The following RIOK2 variants were observed in gnomAD, a reference collection of about 807,000 sequenced individuals.
The protein encoded by RIOK2 is RIO kinase 2, also known as serine/threonine-protein kinase RIO2.
Under a neutral mutation model 62.4 loss-of-function variants are expected in RIOK2, and 46 were observed. The ratio of observed to expected loss-of-function variants is 0.74; its 90% CI spans 0.58 to 0.94. The LOEUF (loss-of-function observed/expected upper bound fraction) is 0.94, where lower values mean the gene tolerates loss of function less well. Ranked by LOEUF, RIOK2 falls within the 40% of genes least tolerant of loss-of-function variation. The pLI is 0.00. For synonymous variants in RIOK2, 197 were observed against 216.0 expected, an observed-to-expected ratio of 0.91 and a Z score of 0.77; for missense variants, 574 against 658.0, an observed-to-expected ratio of 0.87 and a Z score of 1.40.
chr5:97,183,148 T>C lies in RIOK2; in HGVS notation c.44A>G (p.Asp15Gly). 1 of 1,614,078 alleles carries C rather than the reference T, an allele frequency of 6.2e-7. No individual in the cohort carries two copies. Among genetic ancestry groups the C allele is most frequent in the Non-Finnish European group, 8.5e-7 (1 of 1,179,982 alleles). The change falls in exon 1 of 10, where the codon GAT becomes GGT. Residue 15 changes from aspartate (D) to glycine (G), a missense_variant. Asp to Gly is a moderately conservative substitution (Grantham distance 94, BLOSUM62 -1). Coordinates refer to ENST00000283109, the MANE Select transcript of RIOK2 (RefSeq NM_018343.3). ...TACCGCGGTCAAGACCCTGAAGTCA[T>C]CTCGGCTCATGTAACGCAACTTGGC... ...NVAKLRYMSR[D>G]DFRVLTAVEM...
chr5:97,173,127 T>TA (rs1338353323), intron 5 of RIOK2, 48 bp downstream of exon 5: 10 of 1,357,138 alleles, frequency 7.4e-6, no homozygotes, highest in Non-Finnish European at 1.0e-5. Flanking sequence ...CCCTGAAACT[T>TA]AAATTCATTT....
At chr5:97,172,443 T>C (rs316192) in intron 5 of RIOK2, among the ~76,000 whole-genome samples, 51,550 of 152,086 alleles carry the variant, frequency 0.34, 10,150 homozygotes, top group East Asian at 0.46. Context: ...TCAAATCATG[T>C]TGGTTCAACC....
At chr5:97,168,985 G>T (rs902800033) in intron 6 of RIOK2, 133 bp from the exon 7 acceptor site, 1 of 507,002 alleles carries the variant, frequency 2.0e-6, no homozygotes, top group South Asian at 4.1e-5. Context: ...TTACACAAAA[G>T]AAAAAAGATA....
intron 1 of RIOK2, 50 bp downstream of exon 1, chr5:97,183,076 G>C (rs374923386): frequency 3.1e-6 from 5 of 1,589,710 alleles, no homozygotes; most frequent in Non-Finnish European, 4.3e-6. Context: ...AACAGGAAGA[G>C]GTCACACAGT....
chr5:97,170,920 G>A (rs376515410), intron 6 of RIOK2, among the ~76,000 whole-genome samples: 8 of 152,080 alleles, frequency 5.3e-5, no homozygotes, highest in Admixed American at 2.6e-4. Flanking sequence ...TTGGGAGGCC[G>A]AGGCGGGTGG....
intron 1 of RIOK2, among the ~76,000 whole-genome samples, chr5:97,182,579 A>ATCATTTTCATAGC (rs1420728673): frequency 6.6e-6 from 1 of 152,154 alleles, no homozygotes; most frequent in Non-Finnish European, 1.5e-5. Flanking sequence ...ATTATCCTTT[A>ATCATTTTCATAGC]TCATTTTCAT....
intron 6 of RIOK2, among the ~76,000 whole-genome samples, chr5:97,169,689 G>A (rs910905636): frequency 7.2e-5 from 11 of 152,122 alleles, no homozygotes; most frequent in African/African-American, 1.9e-4. Context: ...ATCTCCCTAC[G>A]AGACAGTAAC....
intron 8 of RIOK2, 106 bp downstream of exon 8, chr5:97,167,361 G>T: frequency 6.6e-7 from 1 of 1,508,050 alleles, no homozygotes; most frequent in South Asian, 1.4e-5. Context: ...CAAGGTGGCA[G>T]AATACAATTT....
intron 2 of RIOK2, among the ~76,000 whole-genome samples, chr5:97,178,355 T>TCATGCTCTC (rs1749229206): frequency 2.1e-4 from 1 of 4,706 alleles, no homozygotes; most frequent in Admixed American, 3.3e-3. Flanking sequence ...TTCATGCTCT[T>TCATGCTCTC]CTACAGTACC....
Position 97,167,862 on chromosome 5 carries a change from G to A in RIOK2, c.1002C>T (p.Phe334=). 1 of 1,613,964 alleles carries A rather than the reference G, an allele frequency of 6.2e-7. No homozygotes were observed. Among genetic ancestry groups the A allele is most frequent in the African/African-American group, 1.3e-5 (1 of 75,044 alleles). The change falls in exon 8 of 10, where the codon TTC becomes TTT. Residue 334 remains phenylalanine, a synonymous_variant. Transcript: ENST00000283109. ...CTGCCACTTCTCCATCTGAAAATGA[G>A]AATTCAGATCCCTCTTTTGTTTCAA... is the stretch of plus-strand genomic sequence containing the variant. ...KNIETKEGSE[F]SFSDGEVAEK... is the part of the protein sequence containing the mutation.
At chr5:97,176,068 A>G (rs1356319990) in intron 4 of RIOK2, 2 of 151,006 alleles carry the variant, frequency 1.3e-5, no homozygotes, top group Non-Finnish European at 3.0e-5. Flanking sequence ...TAACCCTGAG[A>G]AAACCGTCTT....
intron 6 of RIOK2, 24 bp from the exon 7 acceptor site, chr5:97,168,876 GAT>G: frequency 2.1e-6 from 3 of 1,417,750 alleles, no homozygotes; most frequent in Non-Finnish European, 2.9e-6. Context: ...AATCATTTAT[GAT>G]ATAGTCTTTA....
chr5:97,168,711 AC>A (rs1266835875), intron 7 of RIOK2, 48 bp downstream of exon 7: 38 of 1,137,108 alleles, frequency 3.3e-5, no homozygotes, highest in Non-Finnish European at 4.5e-5. Flanking sequence ...AAATACACAG[AC>A]CAGATATTTA....
chr5:97,164,805 G>A (rs538670998), intron 9 of RIOK2, among the ~76,000 whole-genome samples: 1 of 152,306 alleles, frequency 6.6e-6, no homozygotes, highest in Non-Finnish European at 1.5e-5. Context: ...GGTGTTTTGA[G>A]TTTTACCAAC....
intron 2 of RIOK2, 47 bp downstream of exon 2, chr5:97,179,008 G>C: frequency 6.2e-7 from 1 of 1,610,666 alleles, no homozygotes. Flanking sequence ...TGCTCTGGTG[G>C]AAACCAATTA....
intron 1 of RIOK2, among the ~76,000 whole-genome samples, chr5:97,182,116 C>T (rs1453905244): frequency 1.9e-5 from 1 of 52,440 alleles, no homozygotes; most frequent in Non-Finnish European, 4.2e-5. Context: ...AAGATAACGG[C>T]TCCTAAATAA....
At chr5:97,176,278 A>G (rs1034791018) in intron 4 of RIOK2, among the ~76,000 whole-genome samples, 3 of 152,118 alleles carry the variant, frequency 2.0e-5, no homozygotes, top group Admixed American at 2.0e-4. Flanking sequence ...TATTCCTTCT[A>G]ATTGTATGTT....
At chr5:97,176,974 AT>A (rs1299977018) in intron 4 of RIOK2, 141 bp downstream of exon 4, 3 of 699,908 alleles carry the variant, frequency 4.3e-6, no homozygotes, top group Non-Finnish European at 7.2e-6. Flanking sequence ...CAACAGAGTT[AT>A]TTAAGATTGA....
intron 8 of RIOK2, 126 bp from the exon 9 acceptor site, chr5:97,165,273 T>C: frequency 4.6e-6 from 2 of 430,356 alleles, no homozygotes; most frequent in Non-Finnish European, 3.9e-6. Flanking sequence ...GAAAGATCAT[T>C]ATATTTTAAA....
Sources: gnomAD v4.1 joint callset for allele counts (sites outside exome capture counted in the v4.1 genomes callset) on GRCh38, gnomAD v4.1.1 for gene constraint, MANE v1.5 for transcripts, NCBI Gene and HGNC (gene_info 2026-07-23, HGNC 2026-07-21) for gene names.